SNTG1: variants seen among roughly 807,000 people sequenced by gnomAD.
SNTG1 encodes the protein syntrophin gamma 1, also known as gamma-1-syntrophin.
SNTG1 carries 39 observed loss-of-function variants against 74.7 expected under a neutral mutation model. The ratio of observed to expected loss-of-function variants is 0.52; its 90% CI spans 0.40 to 0.68. The LOEUF (loss-of-function observed/expected upper bound fraction) is 0.68. Ranked by LOEUF, SNTG1 falls within the 30% of genes least tolerant of loss-of-function variation. SNTG1 has a pLI of 0.00. For synonymous variants in SNTG1, 254 were observed against 217.1 expected (o/e 1.17, Z -1.49); for missense variants, 685 against 609.5 (o/e 1.12, Z -1.30).
intron 1 of SNTG1, among the ~76,000 whole-genome samples, chr8:50,100,180 A>G (rs1293032747): frequency 1.3e-5 from 2 of 152,098 alleles, no homozygotes; most frequent in African/African-American, 2.4e-5. Context: ...TTAATACCAC[A>G]TGTTCTCACT....
intron 1 of SNTG1, among the ~76,000 whole-genome samples, chr8:50,165,966 G>A (rs896803104): frequency 1.6e-4 from 23 of 143,508 alleles, no homozygotes; most frequent in South Asian, 2.4e-4. Context: ...AAATAATGCC[G>A]CATATCTACA....
At chr8:50,114,645 T>A (rs983832222) in intron 1 of SNTG1, among the ~76,000 whole-genome samples, 6 of 152,018 alleles carry the variant, frequency 3.9e-5, no homozygotes, top group African/African-American at 1.4e-4. Context: ...GGCAGGTGGA[T>A]CACGAGGTCA....
At chr8:50,366,482 C>A (rs553292673) in intron 2 of SNTG1, among the ~76,000 whole-genome samples, 1 of 151,886 alleles carries the variant, frequency 6.6e-6, no homozygotes, top group Non-Finnish European at 1.5e-5. Context: ...TCAACCATAA[C>A]CATGTTCATG....
intron 1 of SNTG1, among the ~76,000 whole-genome samples, chr8:49,957,124 C>T (rs16914090): frequency 7.2e-5 from 11 of 152,142 alleles, no homozygotes; most frequent in South Asian, 4.1e-4. Context: ...TAGTCAGTAA[C>T]CTAACCCAGT....
chr8:50,203,778 TTC>T (rs2084085504), intron 2 of SNTG1, among the ~76,000 whole-genome samples: 2 of 150,918 alleles, frequency 1.3e-5, no homozygotes, highest in African/African-American at 4.9e-5. Context: ...GTGTGTGTGT[TTC>T]TGTGTGTGTG....
chr8:49,956,905 T>C (rs1490962261), intron 1 of SNTG1, among the ~76,000 whole-genome samples: 5 of 152,146 alleles, frequency 3.3e-5, no homozygotes, highest in Non-Finnish European at 5.9e-5. Flanking sequence ...TTCAGCCAGA[T>C]ATAGAAAGAC....
At chr8:50,583,993 A>G (rs569676613) in intron 12 of SNTG1, among the ~76,000 whole-genome samples, 27 of 152,018 alleles carry the variant, frequency 1.8e-4, no homozygotes, top group South Asian at 2.1e-4. Flanking sequence ...TCATTGTTCA[A>G]TTCCCACCTA....
chr8:50,737,895 G>C (rs753518689), intron 17 of SNTG1, among the ~76,000 whole-genome samples: 50 of 152,152 alleles, frequency 3.3e-4, no homozygotes, highest in Middle Eastern at 3.4e-3. Context: ...AATAAGTATT[G>C]ATGGAAAGTA....
At chr8:50,259,006 TA>T (rs2087021307) in intron 2 of SNTG1, among the ~76,000 whole-genome samples, 1 of 151,980 alleles carries the variant, frequency 6.6e-6, no homozygotes. Flanking sequence ...CATATCACAG[TA>T]AAAATGTTGA....
intron 17 of SNTG1, among the ~76,000 whole-genome samples, chr8:50,726,416 G>A (rs186266554): frequency 5.8e-4 from 89 of 152,316 alleles, no homozygotes; most frequent in African/African-American, 1.6e-3. Flanking sequence ...GAAGTTGGGG[G>A]AGCGCTCAAG....
intron 2 of SNTG1, among the ~76,000 whole-genome samples, chr8:50,178,741 A>G (rs2083094220): frequency 6.6e-6 from 1 of 152,066 alleles, no homozygotes; most frequent in Non-Finnish European, 1.5e-5. Context: ...CGAGATATAT[A>G]TTTGCCTCAT....
intron 1 of SNTG1, among the ~76,000 whole-genome samples, chr8:50,087,767 T>A (rs1204975621): frequency 6.6e-6 from 1 of 151,922 alleles, no homozygotes; most frequent in African/African-American, 2.4e-5. Flanking sequence ...GAATTTATTT[T>A]ATTTATTTTT....
At chr8:50,475,820 G>C (rs1246863597) in intron 8 of SNTG1, among the ~76,000 whole-genome samples, 1 of 152,140 alleles carries the variant, frequency 6.6e-6, no homozygotes, top group African/African-American at 2.4e-5. Flanking sequence ...AGAAAGTGCT[G>C]ACTTTGGAAA....
rs1354850940 is a variant in SNTG1, at chr8:50,199,579, T to C, written c.-28+26944T>C. ...AACCAACGTGGAGTTGAGCCCAAAA[T>C]TGTGTTGAAGCAATTCTGAGAAATA... On this transcript the variant is annotated intron_variant, in intron 2 of 18. Coordinates refer to ENST00000642720, the MANE Select transcript of SNTG1 (RefSeq NM_018967.5). Among the ~76,000 whole-genome samples, 3 of 152,026 alleles carry C rather than the reference T, an allele frequency of 2.0e-5. No individual in the cohort carries two copies. The East Asian group carries it at 5.8e-4, about 29-fold the overall frequency.
At chr8:50,559,904 C>T (rs955041082) in intron 12 of SNTG1, among the ~76,000 whole-genome samples, 1 of 152,084 alleles carries the variant, frequency 6.6e-6, no homozygotes, top group Non-Finnish European at 1.5e-5. Flanking sequence ...AGTTTCTGCA[C>T]AGCAAAAGAA....
chr8:50,526,436 T>G (rs906583204), intron 9 of SNTG1, among the ~76,000 whole-genome samples: 3 of 152,270 alleles, frequency 2.0e-5, no homozygotes, highest in South Asian at 4.1e-4. Context: ...GTGGCTGCTC[T>G]TGGCTTTGAG....
chr8:50,536,695 G>A lies in SNTG1; in HGVS notation c.567G>A (p.Ser189=), dbSNP rs768474286. The A allele has an allele frequency of 4.3e-6, 7 of 1,613,854 alleles. No homozygotes were observed. Among genetic ancestry groups the A allele is most frequent in the South Asian group, 2.2e-5 (2 of 91,062 alleles). Residue 189 remains serine (S), a synonymous_variant, in exon 11 of 19, where the codon TCG becomes TCA. Transcript: ENST00000642720. The stretch of plus-strand genomic sequence containing the variant: ...CCTTTCAGGACACATTATCATGCTC[G>A]TCGTGGCCGACGTCTCCAGGCTTGA... ...HPNNTDTLSC[S]SWPTSPGLRW... is the part of the protein sequence containing the mutation.
chr8:50,170,737 G>C (rs997000870), intron 1 of SNTG1, among the ~76,000 whole-genome samples: 9 of 152,168 alleles, frequency 5.9e-5, no homozygotes, highest in African/African-American at 1.7e-4. Flanking sequence ...CTGGAACTTG[G>C]GGGTTCTACC....
chr8:50,104,940 C>A (rs1296854899), intron 1 of SNTG1, among the ~76,000 whole-genome samples: 1 of 152,036 alleles, frequency 6.6e-6, no homozygotes. Context: ...GCATATTAGA[C>A]TGTTGTAGGA....
Sources: gnomAD v4.1 joint callset for allele counts (sites outside exome capture counted in the v4.1 genomes callset) on GRCh38, gnomAD v4.1.1 for gene constraint, MANE v1.5 for transcripts, NCBI Gene and HGNC (gene_info 2026-07-23, HGNC 2026-07-21) for gene names.